The following COL12A1 variants were observed in gnomAD, a reference collection of about 807,000 sequenced individuals.
COL12A1 encodes the protein collagen alpha-1(XII) chain.
In COL12A1, 114 loss-of-function variants were observed where a neutral mutation model predicts 349.7. The ratio of observed to expected loss-of-function variants is 0.33; its 90% confidence interval spans 0.28 to 0.38. The LOEUF (loss-of-function observed/expected upper bound fraction) is 0.38. Among genes scored for constraint, COL12A1 ranks in the 10% least tolerant of loss-of-function variants. COL12A1 has a pLI of 1.00. For missense variants in COL12A1, 3,284 were observed against 3,756.9 expected (o/e 0.87, Z 3.29); for synonymous variants, 1,369 against 1,329.0 (o/e 1.03, Z -0.66).
Position 75,129,971 on chromosome 6 carries a change from T to C in COL12A1, c.6210+120A>G. On this transcript the variant is annotated intron_variant, in intron 37 of 65. Transcript: ENST00000322507. ...GGTCCCAACGTCATGTCAGAGAAAA[T>C]CCTAAAGTGTGACTATCAAGGACTC... 2.5e-6 allele frequency: 3 copies of C among 1,189,046 alleles called. No individual in the cohort carries two copies. In the South Asian group the frequency reaches 4.7e-5, roughly 18 times the overall value. The allele number at this position is 1,189,046 out of a possible 1,614,324, so 73.7% of individuals were successfully genotyped here.
rs1319310697 is a variant in COL12A1 at position 75,086,191 on chromosome 6, G to C, written c.*356C>G. 1 of 157,802 alleles carries C rather than the reference G, an allele frequency of 6.3e-6. No homozygotes were observed. The highest frequency in any genetic ancestry group is 2.4e-5 in the African/African-American group (1 of 41,612). The allele number at this position is 157,802 out of a possible 1,614,324, so 9.8% of individuals were successfully genotyped here. A position where few individuals can be genotyped will look rare whatever the true frequency, so the allele number is the denominator to read the frequency against. On this transcript the variant is annotated 3_prime_UTR_variant, in exon 66 of 66. Coordinates refer to ENST00000322507, the MANE Select transcript of COL12A1 (RefSeq NM_004370.6). ...TACATAAGACATTTCTCTTTAACCA[G>C]GTTAATTGTTTTTCTTAAAATGGCA... is the stretch of plus-strand genomic sequence containing the variant.
At chr6:75,101,767 G>C (rs1032801815) in intron 57 of COL12A1, 114 bp from the exon 58 acceptor site, 2 of 1,223,294 alleles carry the variant, frequency 1.6e-6, no homozygotes, top group Admixed American at 2.2e-5. Flanking sequence ...AATAGAAACA[G>C]GAGAACAGAG....
At chr6:75,187,661 G>A (rs1562305512) in intron 8 of COL12A1, among the ~76,000 whole-genome samples, 1 of 152,082 alleles carries the variant, frequency 6.6e-6, no homozygotes, top group African/African-American at 2.4e-5. Context: ...AGATTAAAGA[G>A]TTTGTATGAT....
At chr6:75,188,767 A>T (rs1582207356) in intron 7 of COL12A1, among the ~76,000 whole-genome samples, 1 of 152,148 alleles carries the variant, frequency 6.6e-6, no homozygotes, top group Non-Finnish European at 1.5e-5. Context: ...GTGGTTGGTT[A>T]AACAGAGTGG....
intron 34 of COL12A1, 98 bp downstream of exon 34, chr6:75,133,195 A>T: frequency 8.7e-7 from 1 of 1,154,380 alleles, no homozygotes; most frequent in South Asian, 2.7e-5. Flanking sequence ...ATTCTATCAC[A>T]CCAAACTTTC....
In COL12A1 at chr6:75,183,887, T is replaced by A; in HGVS notation, c.1255A>T (p.Met419Leu). 6.2e-7 allele frequency: 1 copy of A among 1,614,212 alleles called. No individual in the cohort carries two copies. The highest frequency in any genetic ancestry group is 8.5e-7 in the Non-Finnish European group (1 of 1,180,042). Residue 419 changes from methionine to leucine, a missense_variant, in exon 9 of 66, where the codon ATG (methionine) becomes TTG (leucine). Met to Leu is a conservative substitution (Grantham distance 15). This residue lies in a region of COL12A1 where 2,601 missense variants were observed against 2,824.8 expected (regional missense o/e 0.92). Coordinates refer to ENST00000322507, the MANE Select transcript of COL12A1 (RefSeq NM_004370.6). ...ACTTTCATTGGCTGAGTCTTCTCCATTATTGAAATGGGTTCACTGGATGTC... is the reference window on the plus strand; with the variant it reads ...ACTTTCATTGGCTGAGTCTTCTCCAATATTGAAATGGGTTCACTGGATGTC... ...GMTSSEPISI[M>L]EKTQPMKVQV...
chr6:75,139,090 C>A, intron 27 of COL12A1, 129 bp from the exon 28 acceptor site: 2 of 995,090 alleles, frequency 2.0e-6, no homozygotes, highest in Non-Finnish European at 2.9e-6. Flanking sequence ...TGCTTAGAAC[C>A]AAATATTTCA....
intron 1 of COL12A1, among the ~76,000 whole-genome samples, chr6:75,203,814 C>T (rs1197667191): frequency 6.6e-6 from 1 of 152,134 alleles, no homozygotes; most frequent in Non-Finnish European, 1.5e-5. Context: ...GGGAAGTTGC[C>T]AGTGGCAAAA....
chr6:75,089,000 C>CAA (rs201853945), intron 64 of COL12A1, 106 bp downstream of exon 64: 946 of 668,950 alleles, frequency 1.4e-3, no homozygotes, highest in Middle Eastern at 1.8e-3. Flanking sequence ...GACTCCGTCT[C>CAA]AAAAACAAAA....
intron 58 of COL12A1, among the ~76,000 whole-genome samples, chr6:75,100,013 G>A (rs1768234430): frequency 6.6e-6 from 1 of 152,124 alleles, no homozygotes; most frequent in Non-Finnish European, 1.5e-5. Flanking sequence ...TACCCCACCA[G>A]CTATGCACCC....
In COL12A1 at chr6:75,191,777, T is replaced by C. The variant is rs1422069670; in HGVS notation, c.335-17A>G. On this transcript the variant is annotated splice_polypyrimidine_tract_variant and intron_variant, in intron 4 of 65. Transcript: ENST00000322507. ...CTGTTTGAACTAAGTTAAAACTTTA[T>C]TATTACAAAAGGAAATGAACCCAAG... The C allele has an allele frequency of 6.4e-7, 1 of 1,554,470 alleles. No individual in the cohort carries two copies. The highest frequency in any genetic ancestry group is 1.9e-5 in the Admixed American group (1 of 52,206).
rs544986564 is a variant in COL12A1 at position 75,155,441 on chromosome 6, A to G, written c.3443+221T>C. 1.3e-4 allele frequency among the ~76,000 whole-genome samples: 20 copies of G among 152,302 alleles called. No homozygotes were observed. In the East Asian group the frequency reaches 3.7e-3, roughly 28 times the overall value. ...AAACAAAAATTATTAAACATTACAA[A>G]AAAATCCTGCTCAGGCCTAAATTCT... On this transcript the variant is annotated intron_variant, in intron 16 of 65. Transcript: ENST00000322507.
chr6:75,176,379 A>G (rs1033433598), intron 12 of COL12A1, among the ~76,000 whole-genome samples: 1 of 148,726 alleles, frequency 6.7e-6, no homozygotes, highest in African/African-American at 2.5e-5. Flanking sequence ...GAGGTGGGAG[A>G]GTGATGCAGT....
Position 75,090,210 on chromosome 6 carries a change from C to T in COL12A1, c.8841G>A (p.Pro2947=), listed in dbSNP as rs767339128. 137 of 1,614,030 alleles carry T rather than the reference C, an allele frequency of 8.5e-5. No homozygotes were observed. The highest frequency in any genetic ancestry group is 5.1e-4 in the South Asian group (46 of 91,066). Residue 2947 remains proline (P), a synonymous_variant, in exon 63 of 66, where the codon CCG becomes CCA. Transcript: ENST00000322507. This position sits in a 1 kb window ranked among gnomAD's most constrained non-coding sequence, Gnocchi z 4.1. ...SRNQPGPPGP[P]GPPGSAGARG... is the part of the protein sequence containing the mutation. ...TGGCTCCTGCGCTACCAGGAGGTCC[C>T]GGTGGACCCGGCGGGCCTGGCTGGT...
intron 14 of COL12A1, among the ~76,000 whole-genome samples, chr6:75,164,384 C>T (rs1768175943): frequency 6.6e-6 from 1 of 152,092 alleles, no homozygotes; most frequent in African/African-American, 2.4e-5. Flanking sequence ...CTTCCTTTGC[C>T]AGAAAAATCA....
chr6:75,124,679 AAT>A (rs1417810115), intron 40 of COL12A1, among the ~76,000 whole-genome samples: 1 of 152,178 alleles, frequency 6.6e-6, no homozygotes, highest in Non-Finnish European at 1.5e-5. Context: ...TAAGTCGTTA[AAT>A]AGTTATCAAA....
In COL12A1 at chr6:75,106,485, C is replaced by G; in HGVS notation, c.8112G>C (p.Gln2704His). The G allele has an allele frequency of 6.2e-7, 1 of 1,613,888 alleles. No homozygotes were observed. The highest frequency in any genetic ancestry group is 8.5e-7 in the Non-Finnish European group (1 of 1,179,840). Residue 2704 changes from glutamine (Q) to histidine (H), a missense_variant, in exon 53 of 66, where the codon CAG becomes CAC. This residue lies in a region of COL12A1 where 683 missense variants were observed against 932.1 expected (regional missense o/e 0.73). Transcript: ENST00000322507. ...CTGGACTGCAGACAATGTCAAAACT[C>G]TGGATTTGGAACTGCAAACAACCAA... ...GERKSAAFQI[Q>H]SFDIVCSPVW...
At chr6:75,092,917 C>G (rs966249883) in intron 60 of COL12A1, among the ~76,000 whole-genome samples, 6 of 152,200 alleles carry the variant, frequency 3.9e-5, no homozygotes, top group Non-Finnish European at 8.8e-5. Context: ...GGTACCCAGA[C>G]CTGTTGGATG....
In COL12A1 at chr6:75,115,784, G is replaced by A. The variant is rs780133855; in HGVS notation, c.7697C>T (p.Ala2566Val). The part of the protein sequence containing the change: ...QKNAFVNQPT[A>V]DLHPNGLPPS... Reference sequence around the variant, plus strand: ...GAAAACCTCCTGTTGTCACACTTACGCTGTAGGCTGATTCACAAACGCATT... The same window carrying A: ...GAAAACCTCCTGTTGTCACACTTACACTGTAGGCTGATTCACAAACGCATT... The change falls in exon 49 of 66, where the codon GCA becomes GTA. Residue 2566 changes from alanine to valine, a missense_variant and splice_region_variant. Transcript: ENST00000322507. The A allele has an allele frequency of 1.1e-5, 18 of 1,605,062 alleles. No homozygotes were observed. The highest frequency in any genetic ancestry group is 5.6e-5 in the South Asian group (5 of 88,932).
Sources: allele counts gnomAD v4.1 joint callset (sites outside exome capture counted in the v4.1 genomes callset), GRCh38; gene constraint gnomAD v4.1.1; regional missense constraint gnomAD v4.1.1; non-coding constraint Gnocchi (gnomAD v3.1); transcripts MANE v1.5; gene names NCBI Gene and HGNC (gene_info 2026-07-23, HGNC 2026-07-21).